Variants in MTBP observed in about 807,000 individuals in gnomAD.
The protein encoded by MTBP is MDM2 binding protein, also known as mdm2-binding protein.
Under a neutral mutation model 117.0 loss-of-function variants are expected in MTBP, and 101 were observed. The ratio of observed to expected loss-of-function variants is 0.86; its 90% CI spans 0.73 to 1.02. The LOEUF (loss-of-function observed/expected upper bound fraction) is 1.02, where lower values mean the gene tolerates loss of function less well. MTBP is among the 50% of genes least tolerant of loss of function. The probability of loss-of-function intolerance (pLI) is 0.00; values close to 1 mark genes in which losing one functional copy is unlikely to be tolerated. For synonymous variants in MTBP, 350 were observed against 351.5 expected (o/e 1.00, Z 0.05); for missense variants, 970 against 1,030.9 (o/e 0.94, Z 0.81).
Position 120,445,427 on chromosome 8 carries a change from A to G in MTBP, c.-44A>G, listed in dbSNP as rs1380635330. 1.3e-6 allele frequency: 2 copies of G among 1,531,340 alleles called. No individual in the cohort carries two copies. The highest frequency in any genetic ancestry group is 1.8e-6 in the Non-Finnish European group (2 of 1,107,542). The allele number at this position is 1,531,340 out of a possible 1,614,324, so 94.9% of individuals were successfully genotyped here. A position where few individuals can be genotyped will look rare whatever the true frequency, so the allele number is the denominator to read the frequency against. ...TGCGTCATAGCGCGCGTCTGTTTGG[A>G]TGTGGAAGCCGAGACCTAAAGTTGG... On this transcript the variant is annotated 5_prime_UTR_variant, in exon 1 of 22. An upstream start codon of the reference 5' UTR is lost. Coordinates refer to ENST00000305949, the MANE Select transcript of MTBP (RefSeq NM_022045.5).
rs1414340087 is a variant in MTBP, at chr8:120,515,980, C to A, written c.2035C>A (p.Gln679Lys). ...AAGAGATGGAGGATTTTCTGAACTT[C>A]AGTCTCGTCTTATTCGTTATGAAAC... ...LERDGGFSELQSRLIRYETQT... is the reference protein window; with the variant it reads ...LERDGGFSELKSRLIRYETQT... Residue 679 changes from glutamine to lysine, a missense_variant, in exon 18 of 22, where the codon CAG becomes AAG. Physicochemically the swap from Gln to Lys is moderately conservative, Grantham distance 53 (BLOSUM62 1). Coordinates refer to ENST00000305949, the MANE Select transcript of MTBP (RefSeq NM_022045.5). 2 of 1,612,914 alleles carry A rather than the reference C, an allele frequency of 1.2e-6. No homozygotes were observed. The highest frequency in any genetic ancestry group is 2.2e-5 in the South Asian group (2 of 91,026).
At chr8:120,456,532 G>A (rs774700329) in intron 6 of MTBP, 21 bp from the exon 7 acceptor site, 39 of 1,328,820 alleles carry the variant, frequency 2.9e-5, no homozygotes, top group Non-Finnish European at 5.3e-6. Flanking sequence ...GTGTTTAATT[G>A]TTGTAATCTT....
chr8:120,489,187 C>T (rs1814288104), intron 12 of MTBP, among the ~76,000 whole-genome samples: 1 of 151,944 alleles, frequency 6.6e-6, no homozygotes, highest in African/African-American at 2.4e-5. Context: ...TACAGGTGTG[C>T]ACCACCATGC....
At chr8:120,482,061 T>TA (rs1216426218) in intron 11 of MTBP, among the ~76,000 whole-genome samples, 1 of 152,200 alleles carries the variant, frequency 6.6e-6, no homozygotes, top group East Asian at 1.9e-4. Flanking sequence ...GACAGTTATT[T>TA]AAAAATGTCA....
chr8:120,472,823 T>C (rs567920065), intron 11 of MTBP: 4 of 152,184 alleles, frequency 2.6e-5, no homozygotes, highest in Non-Finnish European at 5.9e-5. Flanking sequence ...TCCAAAGGTG[T>C]GAATAATAGG....
intron 2 of MTBP, among the ~76,000 whole-genome samples, chr8:120,447,963 G>A (rs1586933841): frequency 6.7e-6 from 1 of 150,086 alleles, no homozygotes; most frequent in African/African-American, 2.4e-5. Flanking sequence ...GTCCCACTTT[G>A]TTGCTCAGGC....
intron 11 of MTBP, among the ~76,000 whole-genome samples, chr8:120,477,113 C>A (rs1231462457): frequency 6.6e-6 from 1 of 152,158 alleles, no homozygotes; most frequent in Non-Finnish European, 1.5e-5. Flanking sequence ...CTACAACCAT[C>A]TGAACTTTGA....
chr8:120,489,874 G>A (rs747638898), intron 12 of MTBP, among the ~76,000 whole-genome samples: 1 of 152,116 alleles, frequency 6.6e-6, no homozygotes, highest in Admixed American at 6.5e-5. Flanking sequence ...ATTGGGCAAC[G>A]CTTTGAAGGA....
chr8:120,456,812 G>A (rs1813479497), intron 7 of MTBP, 142 bp downstream of exon 7: 6 of 622,172 alleles, frequency 9.6e-6, no homozygotes, highest in South Asian at 1.9e-5. Flanking sequence ...ATAATTAAAT[G>A]TTCTATATCT....
chr8:120,453,054 A>G (rs1218507356), intron 4 of MTBP, among the ~76,000 whole-genome samples: 1 of 152,156 alleles, frequency 6.6e-6, no homozygotes, highest in African/African-American at 2.4e-5. Context: ...GTTTTGAAGA[A>G]TCTGAAGAGG....
chr8:120,485,996 A>G (rs1814205765), intron 11 of MTBP, among the ~76,000 whole-genome samples: 1 of 152,078 alleles, frequency 6.6e-6, no homozygotes, highest in South Asian at 2.1e-4. Context: ...ATACCTCACT[A>G]ATTGCCATCT....
intron 4 of MTBP, 63 bp from the exon 5 acceptor site, chr8:120,453,784 A>G (rs1013986963): frequency 2.7e-6 from 2 of 735,458 alleles, no homozygotes; most frequent in South Asian, 4.5e-5. Context: ...AATATTACCT[A>G]TTATGATTAT....
At chr8:120,478,497 A>G (rs142172836) in intron 11 of MTBP, among the ~76,000 whole-genome samples, 1 of 152,302 alleles carries the variant, frequency 6.6e-6, no homozygotes, top group Non-Finnish European at 1.5e-5. Flanking sequence ...TGACAATTTT[A>G]TAATTCTAGA....
At chr8:120,450,944 T>C in intron 2 of MTBP, 59 bp from the exon 3 acceptor site, 2 of 1,180,802 alleles carry the variant, frequency 1.7e-6, no homozygotes, top group Non-Finnish European at 2.5e-6. Context: ...GTATATATGC[T>C]GTGTCATCTG....
chr8:120,448,946 T>G (rs138659284), intron 2 of MTBP, among the ~76,000 whole-genome samples: 262 of 152,280 alleles, frequency 1.7e-3, no homozygotes, highest in Middle Eastern at 0.014. Flanking sequence ...TTGTAAATAG[T>G]GTCAGGGTGT....
intron 15 of MTBP, among the ~76,000 whole-genome samples, chr8:120,503,945 G>C (rs1271036102): frequency 1.3e-5 from 2 of 152,120 alleles, no homozygotes; most frequent in Non-Finnish European, 2.9e-5. Flanking sequence ...TGGAAACTTA[G>C]GGTGAGGACA....
intron 17 of MTBP, 143 bp downstream of exon 17, chr8:120,510,172 A>G (rs1164162318): frequency 3.8e-6 from 2 of 525,476 alleles, no homozygotes; most frequent in Non-Finnish European, 6.5e-6. Flanking sequence ...AGTAGTGCAT[A>G]CAAAAATAAT....
Position 120,490,458 on chromosome 8 carries a change from C to A in MTBP, c.1340-5C>A. The A allele has an allele frequency of 6.4e-7, 1 of 1,556,544 alleles. No individual in the cohort carries two copies. Among genetic ancestry groups the A allele is most frequent in the Non-Finnish European group, 8.7e-7 (1 of 1,143,084 alleles). ...TGTTGACCTTTTTTTTTTCTTATTT[C>A]TCAGGTTTTCCTTTTGACTTATTAT... is the stretch of plus-strand genomic sequence containing the variant. On this transcript the variant is annotated splice_polypyrimidine_tract_variant and splice_region_variant and intron_variant, in intron 12 of 21. Transcript: ENST00000305949.
Position 120,488,188 on chromosome 8 carries a change from T to C in MTBP, c.1195T>C (p.Ser399Pro). 6.3e-7 allele frequency: 1 copy of C among 1,587,708 alleles called. No homozygotes were observed. The highest frequency in any genetic ancestry group is 8.5e-7 in the Non-Finnish European group (1 of 1,171,112). ...AGATGTTGAAGTGAAAGGAGAGTGT[T>C]CTAGCTATTATCTCTTGTTACAAGG... ...VPDVEVKGEC[S>P]SYYLLLQGNG... Residue 399 changes from serine to proline, a missense_variant, in exon 12 of 22, where the codon TCT becomes CCT. Ser to Pro is a moderately conservative substitution (Grantham distance 74). Transcript: ENST00000305949.
Sources: gnomAD v4.1 joint callset for allele counts (sites outside exome capture counted in the v4.1 genomes callset) on GRCh38, gnomAD v4.1.1 for gene constraint, MANE v1.5 for transcripts, NCBI Gene and HGNC (gene_info 2026-07-23, HGNC 2026-07-21) for gene names.